THBS4: variants seen among roughly 807,000 people sequenced by gnomAD.
THBS4 encodes the protein thrombospondin 4.
THBS4 carries 90 observed loss-of-function variants against 115.7 expected under a neutral mutation model. The observed-to-expected ratio is 0.78, with a 90% CI of 0.66 to 0.93. The LOEUF (loss-of-function observed/expected upper bound fraction) is 0.93. Among genes scored for constraint, THBS4 ranks in the 40% least tolerant of loss-of-function variants. The probability of loss-of-function intolerance (pLI) is 0.00; values close to 1 mark genes in which losing one functional copy is unlikely to be tolerated. For synonymous variants in THBS4, 460 were observed against 479.3 expected (o/e 0.96, Z 0.53); for missense variants, 1,087 against 1,232.7 (o/e 0.88, Z 1.77).
In THBS4 at chr5:80,079,846, G is replaced by A. The variant is rs982130151; in HGVS notation, c.2512-59G>A. ...ACCTGGATCATCACTTCAGATCCAG[G>A]AAGCAGGAAGGGTGGTGCCTGTGTC... On this transcript the variant is annotated intron_variant, in intron 19 of 21. Coordinates refer to ENST00000350881, the MANE Select transcript of THBS4 (RefSeq NM_003248.6). 7.7e-6 allele frequency: 12 copies of A among 1,551,382 alleles called. No individual in the cohort carries two copies. In the African/African-American group the frequency reaches 9.5e-5, roughly 12 times the overall value.
chr5:80,068,043 G>A lies in THBS4; in HGVS notation c.1265G>A (p.Arg422Lys). 1 of 1,614,218 alleles carries A rather than the reference G, an allele frequency of 6.2e-7. No individual in the cohort carries two copies. The highest frequency in any genetic ancestry group is 8.5e-7 in the Non-Finnish European group (1 of 1,180,042). ...GDQIRGCKAE[R>K]NCRNPELNPC... ...CAGATAAGGGGATGCAAAGCGGAAAGAAACTGCAGAAACCCAGAGCTGAAC... is the reference window on the plus strand; with the variant it reads ...CAGATAAGGGGATGCAAAGCGGAAAAAAACTGCAGAAACCCAGAGCTGAAC... The change falls in exon 10 of 22, where the codon AGA (arginine) becomes AAA (lysine). Residue 422 changes from arginine (R) to lysine (K), a missense_variant. By Grantham distance (26) the Arg-to-Lys change is conservative. Coordinates refer to ENST00000350881, the MANE Select transcript of THBS4 (RefSeq NM_003248.6).
chr5:80,076,506 G>C (rs1352491682), intron 15 of THBS4, among the ~76,000 whole-genome samples: 1 of 152,204 alleles, frequency 6.6e-6, no homozygotes, highest in Non-Finnish European at 1.5e-5. Flanking sequence ...CACTGAGGCT[G>C]TCTGGTTCCA....
intron 15 of THBS4, among the ~76,000 whole-genome samples, chr5:80,074,721 C>T (rs1743110658): frequency 6.6e-6 from 1 of 151,340 alleles, no homozygotes; most frequent in Non-Finnish European, 1.5e-5. Context: ...TCAAGCAATT[C>T]TCATGCCTCA....
intron 1 of THBS4, among the ~76,000 whole-genome samples, chr5:80,039,076 C>A (rs1164982528): frequency 6.6e-6 from 1 of 152,100 alleles, no homozygotes; most frequent in Non-Finnish European, 1.5e-5. Context: ...ATATTCCTTG[C>A]CCATTTTTCT....
At chr5:80,036,090 C>G in intron 1 of THBS4, 1 of 987,326 alleles carries the variant, frequency 1.0e-6, no homozygotes, top group Middle Eastern at 5.2e-4. Flanking sequence ...TCTACTTGCC[C>G]TGCCACCTGC....
At chr5:80,011,785 T>C (rs1209655696) in intron 2 of THBS4, among the ~76,000 whole-genome samples, 2 of 152,194 alleles carry the variant, frequency 1.3e-5, no homozygotes, top group African/African-American at 4.8e-5. Context: ...ACAACTGATA[T>C]TTAGATGCTT....
intron 1 of THBS4, among the ~76,000 whole-genome samples, chr5:79,996,993 A>G (rs1561287609): frequency 6.6e-6 from 1 of 152,048 alleles, no homozygotes; most frequent in Non-Finnish European, 1.5e-5. Flanking sequence ...AGAACTATAC[A>G]AGTGATATAC....
chr5:79,994,979 GCA>G (rs538256554), intron 1 of THBS4, among the ~76,000 whole-genome samples: 1 of 152,200 alleles, frequency 6.6e-6, no homozygotes, highest in Non-Finnish European at 1.5e-5. Flanking sequence ...ATTTAGATTG[GCA>G]CAGAGTAAGG....
intron 2 of THBS4, among the ~76,000 whole-genome samples, chr5:80,014,627 A>T (rs1054437295): frequency 6.6e-6 from 1 of 152,206 alleles, no homozygotes; most frequent in Admixed American, 6.5e-5. Context: ...GCAGGTATTT[A>T]TTTATGACCA....
chr5:80,036,287 A>G, intron 1 of THBS4: 1 of 753,734 alleles, frequency 1.3e-6, no homozygotes, highest in Non-Finnish European at 1.6e-6. Flanking sequence ...CAGGAACAGA[A>G]AAGCAAATAC....
intron 2 of THBS4, among the ~76,000 whole-genome samples, chr5:80,050,648 G>A (rs1833225953): frequency 6.6e-6 from 1 of 152,184 alleles, no homozygotes; most frequent in Non-Finnish European, 1.5e-5. Flanking sequence ...TTCTAATCCT[G>A]TAGCTAATTT....
chr5:80,054,405 C>T (rs1833357631), intron 2 of THBS4, among the ~76,000 whole-genome samples: 1 of 151,200 alleles, frequency 6.6e-6, no homozygotes, highest in African/African-American at 2.4e-5. Context: ...ACTGCAACCT[C>T]CACCTCCCAG....
chr5:80,057,073 C>T (rs1263004193), intron 3 of THBS4, among the ~76,000 whole-genome samples: 17 of 151,902 alleles, frequency 1.1e-4, no homozygotes, highest in African/African-American at 3.4e-4. Context: ...GTTTTTCAGT[C>T]ATATATAGAG....
chr5:80,002,480 T>C (rs551434041), intron 2 of THBS4, among the ~76,000 whole-genome samples: 2 of 143,822 alleles, frequency 1.4e-5, no homozygotes, highest in East Asian at 4.3e-4. Context: ...ATAACAGTCA[T>C]GCTGCCTCGG....
In THBS4 at chr5:80,079,968, A is replaced by G; in HGVS notation, c.2575A>G (p.Thr859Ala). The change falls in exon 20 of 22, where the codon ACC becomes GCC. Residue 859 changes from threonine to alanine, a missense_variant. Physicochemically the swap from Thr to Ala is moderately conservative, Grantham distance 58. Around this residue, in one of 3 missense-constraint regions of THBS4, gnomAD observed 979 missense variants for 1,103.7 expected, o/e 0.89. Transcript: ENST00000350881. ...LRNSLWHTGD[T>A]SDQVRLLWKD... ...GAACTCCCTGTGGCACACGGGGGAC[A>G]CCAGTGACCAGGTCAGGCTGCTGTG... 1 of 1,614,002 alleles carries G rather than the reference A, an allele frequency of 6.2e-7. No homozygotes were observed. Among genetic ancestry groups the G allele is most frequent in the African/African-American group, 1.3e-5 (1 of 75,002 alleles).
chr5:80,072,425 C>G, intron 14 of THBS4, 29 bp downstream of exon 14: 1 of 1,578,952 alleles, frequency 6.3e-7, no homozygotes, highest in Non-Finnish European at 8.7e-7. Flanking sequence ...AATTCAAACT[C>G]CAGGCTGAAT....
At chr5:80,010,765 G>A (rs371822115) in intron 2 of THBS4, among the ~76,000 whole-genome samples, 1 of 152,238 alleles carries the variant, frequency 6.6e-6, no homozygotes, top group Non-Finnish European at 1.5e-5. Context: ...AAATTGATAC[G>A]GGGCGTTGAA....
chr5:79,999,917 TA>T (rs1330335417), intron 2 of THBS4, among the ~76,000 whole-genome samples: 1 of 152,192 alleles, frequency 6.6e-6, no homozygotes, highest in East Asian at 1.9e-4. Context: ...GGAAGTGAGT[TA>T]GGAAGAGGAA....
Position 80,082,388 on chromosome 5 carries a change from C to T in THBS4, c.2685-18C>T, listed in dbSNP as rs755477218. ...GGGTTGGATTTCATGGAGGCCCCTC[C>T]GGCCGTGTTGTCCGCAGGGTACGAT... On this transcript the variant is annotated intron_variant, in intron 20 of 21. Coordinates refer to ENST00000350881, the MANE Select transcript of THBS4 (RefSeq NM_003248.6). 5.0e-6 allele frequency: 8 copies of T among 1,612,230 alleles called. No individual in the cohort carries two copies. Among genetic ancestry groups the T allele is most frequent in the African/African-American group, 1.3e-5 (1 of 74,862 alleles).
Sources: gnomAD v4.1 joint callset for allele counts (sites outside exome capture counted in the v4.1 genomes callset) on GRCh38, gnomAD v4.1.1 for gene constraint, gnomAD v4.1.1 regional missense constraint, MANE v1.5 for transcripts, NCBI Gene and HGNC (gene_info 2026-07-23, HGNC 2026-07-21) for gene names.